TSGA10: variants seen among roughly 807,000 people sequenced by gnomAD.
TSGA10 encodes the protein testis specific 10.
In TSGA10, 43 loss-of-function variants were observed where a neutral mutation model predicts 96.6. That is an observed-to-expected ratio of 0.44 (90% confidence interval 0.35 to 0.57). TSGA10 has a LOEUF of 0.57. TSGA10 is among the 20% of genes least tolerant of loss of function. The probability of loss-of-function intolerance (pLI) is 0.01; values close to 1 mark genes in which losing one functional copy is unlikely to be tolerated. For missense variants in TSGA10, 703 were observed against 834.4 expected (o/e 0.84, Z 1.94); for synonymous variants, 229 against 269.9 (o/e 0.85, Z 1.48).
chr2:99,133,107 G>T (rs760430167), intron 1 of TSGA10, among the ~76,000 whole-genome samples: 2 of 152,116 alleles, frequency 1.3e-5, no homozygotes, highest in East Asian at 3.8e-4. Flanking sequence ...TGTTAGGTCC[G>T]GTTGGTCCAG....
intron 3 of TSGA10, 82 bp downstream of exon 3, chr2:99,118,469 G>C (rs1422904904): frequency 3.0e-6 from 1 of 331,702 alleles, no homozygotes; most frequent in Admixed American, 7.1e-5. Context: ...AAAAAAAAAA[G>C]TATATATACA....
chr2:99,135,901 C>G (rs755348651), intron 1 of TSGA10, among the ~76,000 whole-genome samples: 15 of 150,996 alleles, frequency 9.9e-5, no homozygotes, highest in Non-Finnish European at 1.6e-4. Context: ...CCCAGCTACT[C>G]GAGAGGCTGA....
At chr2:99,092,701 C>T (rs1219993444) in intron 10 of TSGA10, among the ~76,000 whole-genome samples, 3 of 152,078 alleles carry the variant, frequency 2.0e-5, no homozygotes, top group Admixed American at 6.6e-5. Context: ...TGGAAATATA[C>T]AACCCTCCTA....
At chr2:99,062,065 G>A (rs956174233) in intron 16 of TSGA10, among the ~76,000 whole-genome samples, 1 of 152,002 alleles carries the variant, frequency 6.6e-6, no homozygotes, top group Non-Finnish European at 1.5e-5. Context: ...TCATTCAGAG[G>A]GAAATAAACA....
chr2:99,100,679 G>A (rs966466472), intron 10 of TSGA10, among the ~76,000 whole-genome samples: 44 of 152,052 alleles, frequency 2.9e-4, no homozygotes, highest in African/African-American at 1.1e-3. Context: ...AATTAGCCAG[G>A]CGCGGTGGCG....
intron 20 of TSGA10, among the ~76,000 whole-genome samples, chr2:99,003,467 A>T (rs1198075183): frequency 6.6e-6 from 1 of 152,182 alleles, no homozygotes; most frequent in African/African-American, 2.4e-5. Flanking sequence ...ACATCTACAG[A>T]ACTCTCCAAC....
At chr2:99,060,064 T>C (rs2084510890) in intron 16 of TSGA10, among the ~76,000 whole-genome samples, 1 of 152,118 alleles carries the variant, frequency 6.6e-6, no homozygotes, top group Admixed American at 6.5e-5. Context: ...TTTGAAGTAC[T>C]AGGCAGAAGA....
intron 14 of TSGA10, among the ~76,000 whole-genome samples, chr2:99,070,626 A>G (rs2085847070): frequency 6.6e-6 from 1 of 152,182 alleles, no homozygotes. Context: ...AAAAAAATAG[A>G]AACTAAATTT....
intron 10 of TSGA10, among the ~76,000 whole-genome samples, chr2:99,082,573 A>G (rs1273979024): frequency 6.6e-6 from 1 of 152,002 alleles, no homozygotes; most frequent in Non-Finnish European, 1.5e-5. Context: ...TCAAAATAAA[A>G]TTTGGTTCCC....
rs560813017 is a variant in TSGA10, at chr2:99,122,692, G to A, written c.-491-4006C>T. Among the ~76,000 whole-genome samples the A allele has an allele frequency of 3.9e-4, 59 of 150,606 alleles. 1 individual carries two copies. Among genetic ancestry groups the A allele is most frequent in the South Asian group, 1.0e-3 (5 of 4,764 alleles). ...TGCAGTCCCAATTACTTGAACGGCT[G>A]AGGTAGGAGGATTGCTTGAGCCCAG... On this transcript the variant is annotated intron_variant, in intron 2 of 20. Coordinates refer to ENST00000393483, the MANE Select transcript of TSGA10 (RefSeq NM_025244.4).
At chr2:99,020,043 A>T (rs1206225341) in intron 18 of TSGA10, among the ~76,000 whole-genome samples, 1 of 152,182 alleles carries the variant, frequency 6.6e-6, no homozygotes, top group Non-Finnish European at 1.5e-5. Context: ...AGTATTTTAG[A>T]TCAGACATTC....
intron 4 of TSGA10, among the ~76,000 whole-genome samples, chr2:99,114,547 T>C (rs150542519): frequency 1.4e-4 from 21 of 152,304 alleles, no homozygotes; most frequent in African/African-American, 4.8e-4. Context: ...TTTCACCCAA[T>C]AGCTTTCCAA....
intron 10 of TSGA10, among the ~76,000 whole-genome samples, chr2:99,081,814 G>T (rs1026571390): frequency 7.1e-6 from 1 of 140,166 alleles, no homozygotes; most frequent in African/African-American, 2.6e-5. Flanking sequence ...AATATGGAGA[G>T]ATATACCATT....
chr2:99,133,685 G>A (rs2093205128), intron 1 of TSGA10, among the ~76,000 whole-genome samples: 1 of 152,118 alleles, frequency 6.6e-6, no homozygotes, highest in Non-Finnish European at 1.5e-5. Flanking sequence ...TAGTGTTGAT[G>A]GTCTTTACAA....
intron 15 of TSGA10, among the ~76,000 whole-genome samples, chr2:99,067,602 C>T (rs893844977): frequency 2.0e-5 from 3 of 152,064 alleles, no homozygotes; most frequent in African/African-American, 4.8e-5. Context: ...CCTGTAATCC[C>T]AGCACTTTGG....
chr2:99,004,982 T>C (rs1350850677), intron 20 of TSGA10, among the ~76,000 whole-genome samples: 1 of 152,146 alleles, frequency 6.6e-6, no homozygotes. Flanking sequence ...GCAAGGCTGG[T>C]TCAACATATG....
At chr2:99,067,394 G>T (rs542981141) in intron 15 of TSGA10, among the ~76,000 whole-genome samples, 1 of 152,228 alleles carries the variant, frequency 6.6e-6, no homozygotes, top group South Asian at 2.1e-4. Flanking sequence ...GAAGGCCGAG[G>T]TGGGAGGATC....
At chr2:99,093,938 T>C (rs2089685009) in intron 10 of TSGA10, among the ~76,000 whole-genome samples, 1 of 152,032 alleles carries the variant, frequency 6.6e-6, no homozygotes, top group South Asian at 2.1e-4. Context: ...AGAGCCCACA[T>C]AGCCAAGGCA....
At chr2:99,016,401 C>T (rs187002837) in intron 20 of TSGA10, among the ~76,000 whole-genome samples, 32 of 152,194 alleles carry the variant, frequency 2.1e-4, no homozygotes, top group African/African-American at 6.7e-4. Context: ...GGGGAAAGGA[C>T]ATCTTATTCA....
Sources: gnomAD v4.1 joint callset for allele counts (sites outside exome capture counted in the v4.1 genomes callset) on GRCh38, gnomAD v4.1.1 for gene constraint, MANE v1.5 for transcripts, NCBI Gene and HGNC (gene_info 2026-07-23, HGNC 2026-07-21) for gene names.